The following TSPEAR variants were observed in gnomAD, a reference collection of about 807,000 sequenced individuals.
The protein encoded by TSPEAR is thrombospondin type laminin G domain and EAR repeats, also known as thrombospondin-type laminin G domain and EAR repeat-containing protein.
A neutral mutation model predicts 71.6 loss-of-function variants in TSPEAR; 69 were observed. The ratio of observed to expected loss-of-function variants is 0.96; its 90% confidence interval spans 0.79 to 1.18. The LOEUF (loss-of-function observed/expected upper bound fraction) is 1.18. TSPEAR is among the 50% of genes most tolerant of loss of function. The pLI, the probability that TSPEAR is intolerant of heterozygous loss-of-function variation, is 0.00. For synonymous variants in TSPEAR, 402 were observed against 387.2 expected (o/e 1.04, Z -0.45); for missense variants, 971 against 894.9 (o/e 1.09, Z -1.09).
At position 44,518,425 on chromosome 21, in the gene TSPEAR, T is replaced by A. The variant is rs2052654302; in HGVS notation, c.1566+3458A>T. On this transcript the variant is annotated intron_variant, in intron 9 of 11. Coordinates refer to ENST00000323084, the MANE Select transcript of TSPEAR (RefSeq NM_144991.3). ...TGGACTTGGTGTTATCACAGGGGCT[T>A]TAGGATCACGGTGTTGGTAGATCTA... 1.0e-5 allele frequency: 4 copies of A among 400,390 alleles called. No homozygotes were observed. The Admixed American group carries it at 1.3e-4, about 13-fold the overall frequency. 24.8% of individuals were successfully genotyped at this position (400,390 alleles called of 1,614,324 possible).
Position 44,499,939 on chromosome 21 carries a change from G to C in TSPEAR, c.1857-3C>G, listed in dbSNP as rs1555910936. On this transcript the variant is annotated splice_polypyrimidine_tract_variant and splice_region_variant and intron_variant, in intron 11 of 11. Coordinates refer to ENST00000323084, the MANE Select transcript of TSPEAR (RefSeq NM_144991.3). ...CGAAGCCCTCGTAGCCCTGCCACCTGCGGAACAGACAGCGGCAGCCGGGTC... is the reference window on the plus strand; with the variant it reads ...CGAAGCCCTCGTAGCCCTGCCACCTCCGGAACAGACAGCGGCAGCCGGGTC... The C allele has an allele frequency of 1.2e-6, 2 of 1,603,122 alleles. No homozygotes were observed. Among genetic ancestry groups the C allele is most frequent in the Admixed American group, 3.4e-5 (2 of 59,016 alleles).
chr21:44,608,496 T>G (rs1264843502), intron 1 of TSPEAR, among the ~76,000 whole-genome samples: 1 of 152,236 alleles, frequency 6.6e-6, no homozygotes, highest in Non-Finnish European at 1.5e-5. Context: ...GAACGTTCAC[T>G]GACACACTGC....
At chr21:44,614,098 G>A (rs1037361414) in intron 1 of TSPEAR, among the ~76,000 whole-genome samples, 48 of 152,266 alleles carry the variant, frequency 3.2e-4, no homozygotes, top group African/African-American at 1.2e-3. Context: ...GGTGTCTGTC[G>A]GGGTGTCTGG....
intron 1 of TSPEAR, among the ~76,000 whole-genome samples, chr21:44,622,281 T>C (rs1982489441): frequency 6.6e-6 from 1 of 152,196 alleles, no homozygotes; most frequent in Non-Finnish European, 1.5e-5. Flanking sequence ...CCATCTCATT[T>C]TGGTTTTTGC....
rs202140748 is a variant in TSPEAR at position 44,533,817 on chromosome 21, G to A, written c.410C>T (p.Thr137Met). 38 of 1,612,558 alleles carry A rather than the reference G, an allele frequency of 2.4e-5. No homozygotes were observed. Among genetic ancestry groups the A allele is most frequent in the African/African-American group, 6.7e-5 (5 of 75,036 alleles). ...QLHFLFLRED[T>M]AGAWQTRVSF... ...CACTCGGGTCTGCCAGGCGCCGGCC[G>A]TGTCCTCGCGAAGGAACAGGAAGTG... The change falls in exon 3 of 12, where the codon ACG becomes ATG. Residue 137 changes from threonine to methionine, a missense_variant. Coordinates refer to ENST00000323084, the MANE Select transcript of TSPEAR (RefSeq NM_144991.3).
intron 2 of TSPEAR, among the ~76,000 whole-genome samples, chr21:44,541,987 G>A (rs905034675): frequency 6.6e-6 from 1 of 151,954 alleles, no homozygotes; most frequent in Non-Finnish European, 1.5e-5. Flanking sequence ...AAGACCAAGA[G>A]GAAAAAAACA....
intron 1 of TSPEAR, among the ~76,000 whole-genome samples, chr21:44,699,837 T>C (rs1419089805): frequency 6.6e-6 from 1 of 152,176 alleles, no homozygotes; most frequent in Admixed American, 6.5e-5. Context: ...TCTGGGCACA[T>C]CTGAAGCTGA....
In TSPEAR at chr21:44,499,788, G is replaced by T; in HGVS notation, c.2005C>A (p.Arg669Ser). 1 of 1,566,154 alleles carries T rather than the reference G, an allele frequency of 6.4e-7. No homozygotes were observed. Among genetic ancestry groups the T allele is most frequent in the Non-Finnish European group, 8.6e-7 (1 of 1,156,980 alleles). Residue 669 changes from arginine to serine, a missense_variant, in exon 12 of 12, where the codon CGC (arginine) becomes AGC (serine). Arg to Ser is a moderately radical substitution (Grantham distance 110, BLOSUM62 -1). Coordinates refer to ENST00000323084, the MANE Select transcript of TSPEAR (RefSeq NM_144991.3). ...PLSRVLRLRT[R>S] ...GCTGCCGGGCAGCCGCGGCCTCAGC[G>T]TGTCCTCAGCCGCAGGACCCTGGAG...
chr21:44,676,760 G>T, intron 1 of TSPEAR: 1 of 809,380 alleles, frequency 1.2e-6, no homozygotes, highest in Non-Finnish European at 2.2e-6. Context: ...TATTCAGCCT[G>T]CATTTTACTT....
chr21:44,603,254 C>T (rs1316862924), intron 1 of TSPEAR, among the ~76,000 whole-genome samples: 1 of 152,140 alleles, frequency 6.6e-6, no homozygotes, highest in Admixed American at 6.5e-5. Flanking sequence ...CTCCTCTGCC[C>T]CTACCCCGGC....
chr21:44,570,862 ACAACACCACGTGTTGTTTAT>A (rs1271065034), intron 1 of TSPEAR, among the ~76,000 whole-genome samples: 2 of 152,246 alleles, frequency 1.3e-5, no homozygotes, highest in Non-Finnish European at 2.9e-5. Flanking sequence ...AACTCCATAA[ACAACACCACGTGTTGTTTAT>A]CAAAACCTCA....
At chr21:44,650,671 T>C (rs1984731709) in intron 1 of TSPEAR, among the ~76,000 whole-genome samples, 1 of 152,212 alleles carries the variant, frequency 6.6e-6, no homozygotes, top group Admixed American at 6.5e-5. Flanking sequence ...TTCTGCCATG[T>C]CACATAGCTG....
intron 8 of TSPEAR, among the ~76,000 whole-genome samples, chr21:44,523,214 C>G (rs1040158813): frequency 2.0e-5 from 3 of 147,982 alleles, no homozygotes. Context: ...AGTCAGTCAG[C>G]CAGTCAGTTA....
At chr21:44,601,967 C>A in intron 1 of TSPEAR, 1 of 657,418 alleles carries the variant, frequency 1.5e-6, no homozygotes, top group South Asian at 2.1e-5. Context: ...TGGGCAGTGA[C>A]CCCAGCAAGG....
At chr21:44,512,811 G>A (rs1320360343) in intron 9 of TSPEAR, among the ~76,000 whole-genome samples, 2 of 152,194 alleles carry the variant, frequency 1.3e-5, no homozygotes, top group Non-Finnish European at 2.9e-5. Flanking sequence ...GGTCTGTCCA[G>A]GGCATGGCAG....
At chr21:44,574,591 C>T in intron 1 of TSPEAR, 1 of 1,309,700 alleles carries the variant, frequency 7.6e-7, no homozygotes, top group Non-Finnish European at 1.0e-6. Context: ...TGCTGCAAGC[C>T]TGTGTGCTGC....
chr21:44,622,590 A>G (rs1239338715), intron 1 of TSPEAR, among the ~76,000 whole-genome samples: 5 of 152,198 alleles, frequency 3.3e-5, no homozygotes, highest in Non-Finnish European at 2.9e-5. Flanking sequence ...CCCTTGGCTT[A>G]TAGCTGCCTC....
chr21:44,697,443 C>T (rs781909794), intron 1 of TSPEAR: 40 of 1,613,928 alleles, frequency 2.5e-5, no homozygotes, highest in Admixed American at 1.2e-4. Context: ...AGCTCCTGCA[C>T]GCCCTCGTGC....
rs149542229 is a variant in TSPEAR, at chr21:44,540,575, G to A, written c.304-6652C>T. 2.7e-4 allele frequency among the ~76,000 whole-genome samples: 41 copies of A among 152,292 alleles called. No homozygotes were observed. In the East Asian group the frequency reaches 6.8e-3, roughly 25 times the overall value. On this transcript the variant is annotated intron_variant, in intron 2 of 11. Transcript: ENST00000323084. ...GGTGAGAGCTGTCCCACTCACGATC[G>A]TGGGGGCGTCTCCTCCCTAAAGCGG...
Sources: allele counts gnomAD v4.1 joint callset (sites outside exome capture counted in the v4.1 genomes callset), GRCh38; gene constraint gnomAD v4.1.1; transcripts MANE v1.5; gene names NCBI Gene and HGNC (gene_info 2026-07-23, HGNC 2026-07-21).